The following ZNF385B variants were observed in gnomAD, a reference collection of about 807,000 sequenced individuals.
ZNF385B encodes the protein zinc finger protein 533.
ZNF385B carries 23 observed loss-of-function variants against 39.2 expected under a neutral mutation model. The observed-to-expected ratio is 0.59, with a 90% CI of 0.42 to 0.83. The LOEUF (loss-of-function observed/expected upper bound fraction) is 0.83. Among genes scored for constraint, ZNF385B ranks in the 40% least tolerant of loss-of-function variants. ZNF385B has a pLI of 0.00. For synonymous variants in ZNF385B, 205 were observed against 222.6 expected, an observed-to-expected ratio of 0.92 and a Z score of 0.70; for missense variants, 552 against 598.9, an observed-to-expected ratio of 0.92 and a Z score of 0.82.
chr2:179,697,552 C>A (rs1472219606), intron 3 of ZNF385B, among the ~76,000 whole-genome samples: 4 of 152,132 alleles, frequency 2.6e-5, no homozygotes, highest in Non-Finnish European at 5.9e-5. Flanking sequence ...CAGTCTCGGG[C>A]AGTTCTTATA....
intron 3 of ZNF385B, among the ~76,000 whole-genome samples, chr2:179,666,646 T>C (rs1695195103): frequency 6.7e-6 from 1 of 148,636 alleles, no homozygotes; most frequent in South Asian, 2.1e-4. Flanking sequence ...AAAATCATCT[T>C]TTTTTTTTGT....
chr2:179,463,341 C>T (rs1559268320), intron 6 of ZNF385B, among the ~76,000 whole-genome samples: 1 of 82,558 alleles, frequency 1.2e-5, no homozygotes, highest in Non-Finnish European at 2.4e-5. Context: ...TTCCACTTGG[C>T]CTCTCTATTT....
intron 3 of ZNF385B, among the ~76,000 whole-genome samples, chr2:179,605,622 T>C (rs1397384102): frequency 1.3e-5 from 2 of 152,148 alleles, no homozygotes; most frequent in South Asian, 2.1e-4. Flanking sequence ...TGAATAGCTA[T>C]ATTTACTGCG....
At chr2:179,844,448 G>A (rs113578962) in intron 1 of ZNF385B, among the ~76,000 whole-genome samples, 4 of 152,254 alleles carry the variant, frequency 2.6e-5, no homozygotes, top group African/African-American at 9.6e-5. Context: ...CTATGATAAT[G>A]TCTGCCTTGC....
chr2:179,707,778 G>C (rs1699724940), intron 3 of ZNF385B, among the ~76,000 whole-genome samples: 1 of 152,214 alleles, frequency 6.6e-6, no homozygotes, highest in Non-Finnish European at 1.5e-5. Flanking sequence ...GATCCACCAG[G>C]GTGGTCTGGC....
At chr2:179,776,647 T>A (rs1022956144) in intron 1 of ZNF385B, among the ~76,000 whole-genome samples, 2 of 152,076 alleles carry the variant, frequency 1.3e-5, no homozygotes, top group Non-Finnish European at 2.9e-5. Flanking sequence ...AAGCCATATA[T>A]GGGAGAGTAG....
At chr2:179,715,728 T>C (rs2106394077) in intron 3 of ZNF385B, among the ~76,000 whole-genome samples, 1 of 152,228 alleles carries the variant, frequency 6.6e-6, no homozygotes, top group East Asian at 1.9e-4. Context: ...TATAAAATAA[T>C]GATAAATGCC....
At chr2:179,577,081 C>T (rs977536377) in intron 3 of ZNF385B, among the ~76,000 whole-genome samples, 7 of 152,088 alleles carry the variant, frequency 4.6e-5, no homozygotes, top group Admixed American at 2.6e-4. Context: ...TAGAAAGTAT[C>T]ATTATCTGCA....
intron 3 of ZNF385B, among the ~76,000 whole-genome samples, chr2:179,707,181 C>T (rs1454174192): frequency 6.6e-6 from 1 of 152,238 alleles, no homozygotes; most frequent in Non-Finnish European, 1.5e-5. Flanking sequence ...CAATGCAGTA[C>T]TGCACGCCCG....
chr2:179,568,956 C>T (rs1684903483), intron 3 of ZNF385B, among the ~76,000 whole-genome samples: 1 of 152,198 alleles, frequency 6.6e-6, no homozygotes, highest in Non-Finnish European at 1.5e-5. Flanking sequence ...GTTTATTAGT[C>T]ATCTTTACTC....
intron 4 of ZNF385B, among the ~76,000 whole-genome samples, chr2:179,527,690 G>T (rs951944781): frequency 1.7e-4 from 26 of 151,990 alleles, no homozygotes; most frequent in African/African-American, 4.6e-4. Context: ...AGGAATTTTT[G>T]CTCCTTTTCA....
At chr2:179,798,184 T>C (rs925885690) in intron 1 of ZNF385B, among the ~76,000 whole-genome samples, 1 of 151,984 alleles carries the variant, frequency 6.6e-6, no homozygotes, top group African/African-American at 2.4e-5. Flanking sequence ...CCATCTTTGG[T>C]TAGTAAGAGC....
intron 5 of ZNF385B, among the ~76,000 whole-genome samples, chr2:179,493,201 C>T (rs2055431062): frequency 6.6e-6 from 1 of 151,882 alleles, no homozygotes. Context: ...CAATTTAGCA[C>T]TGTTTTATTA....
chr2:179,586,882 CA>C lies in ZNF385B; in HGVS notation c.299-41914del, dbSNP rs532622285. Among the ~76,000 whole-genome samples the C allele has an allele frequency of 3.0e-3, 460 of 151,836 alleles. 2 individuals carry two copies. Among genetic ancestry groups the C allele is most frequent in the African/African-American group, 0.011 (440 of 41,414 alleles). On this transcript the variant is annotated intron_variant, in intron 3 of 9. Coordinates refer to ENST00000410066, the MANE Select transcript of ZNF385B (RefSeq NM_152520.6). Reference sequence around the variant, plus strand: ...TGAAACCCTGTCTCTACTAAAAATACAAAAAAATTAGCCGGGCGTGGTGGCA... The same window carrying C: ...TGAAACCCTGTCTCTACTAAAAATACAAAAAATTAGCCGGGCGTGGTGGCA...
intron 1 of ZNF385B, among the ~76,000 whole-genome samples, chr2:179,772,414 T>C (rs1370804875): frequency 1.3e-5 from 2 of 152,192 alleles, no homozygotes; most frequent in African/African-American, 4.8e-5. Flanking sequence ...ATGCATTCTG[T>C]TCACCAAATC....
At chr2:179,504,468 G>T (rs2057064796) in intron 5 of ZNF385B, among the ~76,000 whole-genome samples, 2 of 152,092 alleles carry the variant, frequency 1.3e-5, no homozygotes, top group Admixed American at 1.3e-4. Flanking sequence ...TTCCACAATG[G>T]TTGCACCAGT....
intron 3 of ZNF385B, among the ~76,000 whole-genome samples, chr2:179,716,288 G>C (rs1322015459): frequency 6.6e-6 from 1 of 152,156 alleles, no homozygotes; most frequent in Non-Finnish European, 1.5e-5. Context: ...TTTCATAATA[G>C]AGTAGGTCAT....
At chr2:179,531,775 C>T (rs1304683898) in intron 4 of ZNF385B, among the ~76,000 whole-genome samples, 1 of 152,186 alleles carries the variant, frequency 6.6e-6, no homozygotes, top group African/African-American at 2.4e-5. Flanking sequence ...GCTTCTCCTC[C>T]TCACAGGCTC....
At chr2:179,753,435 C>T (rs1217760941) in intron 3 of ZNF385B, among the ~76,000 whole-genome samples, 2 of 152,158 alleles carry the variant, frequency 1.3e-5, no homozygotes, top group East Asian at 3.9e-4. Flanking sequence ...TTTTTTGGTT[C>T]CATATGAACT....
Sources: gnomAD v4.1 joint callset for allele counts (sites outside exome capture counted in the v4.1 genomes callset) on GRCh38, gnomAD v4.1.1 for gene constraint, MANE v1.5 for transcripts, NCBI Gene and HGNC (gene_info 2026-07-23, HGNC 2026-07-21) for gene names.